The following PEAK1 variants were observed in gnomAD, a reference collection of about 807,000 sequenced individuals.
The protein encoded by PEAK1 is pseudopodium enriched atypical kinase 1.
PEAK1 carries 54 observed loss-of-function variants against 124.7 expected under a neutral mutation model. The ratio of observed to expected loss-of-function variants is 0.43; its 90% confidence interval spans 0.35 to 0.54. The LOEUF (loss-of-function observed/expected upper bound fraction) is 0.54, where lower values mean the gene tolerates loss of function less well. Among genes scored for constraint, PEAK1 ranks in the 20% least tolerant of loss-of-function variants. The probability of loss-of-function intolerance (pLI) is 0.01; values close to 1 mark genes in which losing one functional copy is unlikely to be tolerated. For missense variants in PEAK1, 2,046 were observed against 2,134.5 expected (o/e 0.96, Z 0.82); for synonymous variants, 719 against 760.0 (o/e 0.95, Z 0.89).
chr15:77,250,224 C>CAT (rs2060807950), intron 6 of PEAK1, among the ~76,000 whole-genome samples: 2 of 103,342 alleles, frequency 1.9e-5, no homozygotes, highest in African/African-American at 8.0e-5. Flanking sequence ...TATATATACA[C>CAT]ATATATATGT....
chr15:77,195,402 A>G (rs2058053035), intron 6 of PEAK1, among the ~76,000 whole-genome samples: 1 of 152,188 alleles, frequency 6.6e-6, no homozygotes, highest in Non-Finnish European at 1.5e-5. Context: ...AACAATAACA[A>G]AAGATAAAAA....
Position 77,114,811 on chromosome 15 carries a change from G to A in PEAK1, c.4586C>T (p.Pro1529Leu). 6.2e-7 allele frequency: 1 copy of A among 1,613,408 alleles called. No homozygotes were observed. The highest frequency in any genetic ancestry group is 1.3e-5 in the African/African-American group (1 of 75,000). The part of the protein sequence containing the change: ...LENLLLVHYQ[P>L]GGTAQGFGPA... ...CCCAAAGCCTTGGGCAGTCCCCCCA[G>A]GCTGGTAGTGGACAAGTAGCAGGTT... Residue 1529 changes from proline to leucine, a missense_variant, in exon 10 of 10, where the codon CCT becomes CTT. By Grantham distance (98) the Pro-to-Leu change is moderately conservative. Transcript: ENST00000682557.
chr15:77,300,394 A>G (rs1167776110), intron 2 of PEAK1, among the ~76,000 whole-genome samples: 5 of 152,142 alleles, frequency 3.3e-5, no homozygotes, highest in Non-Finnish European at 4.4e-5. Context: ...CTTGCTTTTG[A>G]GGGGTGGAAT....
chr15:77,111,943 G>C lies in PEAK1; in HGVS notation c.*2213C>G, dbSNP rs1012969303. The stretch of plus-strand genomic sequence containing the variant: ...TGCTGGCTGACATGGTCAGTGGTCT[G>C]TGTGCTGCCCTTCAGTGCATAATCA... On this transcript the variant is annotated 3_prime_UTR_variant, in exon 10 of 10. Transcript: ENST00000682557. 2.0e-5 allele frequency: 3 copies of C among 152,310 alleles called. No homozygotes were observed. Among genetic ancestry groups the C allele is most frequent in the African/African-American group, 4.8e-5 (2 of 41,472 alleles). The allele number at this position is 152,310 out of a possible 1,614,324, so 9.4% of individuals were successfully genotyped here.
At chr15:77,170,455 A>AC (rs1182169070) in intron 7 of PEAK1, among the ~76,000 whole-genome samples, 2 of 152,156 alleles carry the variant, frequency 1.3e-5, no homozygotes, top group South Asian at 4.1e-4. Context: ...TAAGCCCAAA[A>AC]TGTTAGGATT....
At chr15:77,334,531 C>A (rs1040713726) in intron 2 of PEAK1, 3 of 985,300 alleles carry the variant, frequency 3.0e-6, no homozygotes, top group Middle Eastern at 5.2e-4. Flanking sequence ...CTCTTTCATG[C>A]GAGAATTTAT....
intron 2 of PEAK1, chr15:77,352,202 C>G (rs555056993): frequency 1.0e-6 from 1 of 984,828 alleles, no homozygotes; most frequent in African/African-American, 1.7e-5. Flanking sequence ...CAGAGCAAAC[C>G]CTGTCTCAAA....
At chr15:77,218,245 T>G (rs767466127) in intron 6 of PEAK1, among the ~76,000 whole-genome samples, 2 of 152,144 alleles carry the variant, frequency 1.3e-5, no homozygotes, top group Non-Finnish European at 2.9e-5. Flanking sequence ...ATCTGTAGAT[T>G]TTTTTGGTAG....
At chr15:77,369,065 A>G (rs1353889072) in intron 1 of PEAK1, among the ~76,000 whole-genome samples, 1 of 152,232 alleles carries the variant, frequency 6.6e-6, no homozygotes, top group Non-Finnish European at 1.5e-5. Flanking sequence ...TTACAATAAA[A>G]TACAAATAAA....
chr15:77,142,761 T>C (rs1047042786), intron 8 of PEAK1, among the ~76,000 whole-genome samples: 3 of 152,174 alleles, frequency 2.0e-5, no homozygotes, highest in Non-Finnish European at 2.9e-5. Context: ...ATTCCACTTA[T>C]ATGAAATTTC....
chr15:77,300,937 C>T (rs761410367), intron 2 of PEAK1, among the ~76,000 whole-genome samples: 7 of 152,030 alleles, frequency 4.6e-5, no homozygotes, highest in African/African-American at 1.2e-4. Context: ...CTGCAACCTC[C>T]GCCTTCCAGG....
chr15:77,257,418 T>A (rs1596934964), intron 5 of PEAK1, among the ~76,000 whole-genome samples: 2 of 150,436 alleles, frequency 1.3e-5, no homozygotes, highest in South Asian at 4.3e-4. Context: ...TGATTGCCAT[T>A]CTAACTGGTG....
At chr15:77,418,234 C>G (rs2073050095) in intron 1 of PEAK1, 1 of 985,222 alleles carries the variant, frequency 1.0e-6, no homozygotes, top group African/African-American at 1.7e-5. Context: ...TCTTCCAACC[C>G]TAGAACACAG....
intron 8 of PEAK1, among the ~76,000 whole-genome samples, chr15:77,152,565 C>A (rs1394347093): frequency 6.6e-6 from 1 of 152,118 alleles, no homozygotes. Context: ...CTGTCTTGTG[C>A]CAGTTTTCAA....
intron 6 of PEAK1, among the ~76,000 whole-genome samples, chr15:77,233,999 A>C (rs1432821809): frequency 6.6e-6 from 1 of 152,054 alleles, no homozygotes; most frequent in African/African-American, 2.4e-5. Context: ...CCAAGTAGCC[A>C]TGACTACAGG....
At chr15:77,330,659 T>C (rs1016185397) in intron 2 of PEAK1, among the ~76,000 whole-genome samples, 7 of 152,198 alleles carry the variant, frequency 4.6e-5, no homozygotes, top group African/African-American at 1.7e-4. Flanking sequence ...GATGTAAACA[T>C]TGCTCTCTTC....
chr15:77,284,718 C>A (rs1220451132), intron 4 of PEAK1, among the ~76,000 whole-genome samples: 1 of 152,112 alleles, frequency 6.6e-6, no homozygotes, highest in African/African-American at 2.4e-5. Flanking sequence ...GGAGCTCAGA[C>A]TAAATTGTCC....
chr15:77,408,980 A>G (rs182317267), intron 1 of PEAK1, among the ~76,000 whole-genome samples: 24 of 152,230 alleles, frequency 1.6e-4, no homozygotes, highest in Admixed American at 6.5e-4. Flanking sequence ...CTTAGGTGGG[A>G]GGATCGTTTG....
intron 5 of PEAK1, chr15:77,278,557 A>T: frequency 8.0e-6 from 4 of 496,908 alleles, no homozygotes; most frequent in South Asian, 6.0e-5. Flanking sequence ...TGTCTACTAA[A>T]CCTGCTCCTC....
Sources: gnomAD v4.1 joint callset for allele counts (sites outside exome capture counted in the v4.1 genomes callset) on GRCh38, gnomAD v4.1.1 for gene constraint, MANE v1.5 for transcripts, NCBI Gene and HGNC (gene_info 2026-07-23, HGNC 2026-07-21) for gene names.